The following ZPBP variants were observed in gnomAD, a reference collection of about 807,000 sequenced individuals.
ZPBP encodes the protein zona pellucida binding protein.
ZPBP carries 26 observed loss-of-function variants against 44.8 expected under a neutral mutation model. That is an observed-to-expected ratio of 0.58 (90% CI 0.43 to 0.81). ZPBP has a LOEUF of 0.81. ZPBP is among the 30% of genes least tolerant of loss of function. The probability of loss-of-function intolerance (pLI) is 0.00; values close to 1 mark genes in which losing one functional copy is unlikely to be tolerated. For missense variants in ZPBP, 409 were observed against 434.0 expected (o/e 0.94, Z 0.51); for synonymous variants, 174 against 153.2 (o/e 1.14, Z -1.00).
chr7:49,978,021 C>G (rs2075274664), intron 7 of ZPBP, among the ~76,000 whole-genome samples: 1 of 150,884 alleles, frequency 6.6e-6, no homozygotes, highest in South Asian at 2.1e-4. Flanking sequence ...AGGAAGGGAT[C>G]TGGGGTATTA....
the ZPBP span, among the ~76,000 whole-genome samples, chr7:49,844,602 G>C: frequency 6.6e-6 from 1 of 152,236 alleles, no homozygotes; most frequent in African/African-American, 2.4e-5. Flanking sequence ...AAGATTGTGA[G>C]AGCCCTGGTC....
intron 1 of ZPBP, chr7:49,916,422 C>T (rs1413922189): frequency 6.6e-6 from 1 of 152,172 alleles, no homozygotes; most frequent in Non-Finnish European, 1.5e-5. Flanking sequence ...TTTCAATGTC[C>T]AGTTCAAGTG....
chr7:50,068,121 C>CT (rs1412598726), intron 3 of ZPBP, among the ~76,000 whole-genome samples: 1 of 152,098 alleles, frequency 6.6e-6, no homozygotes. Context: ...GGAGAGACTC[C>CT]TTTTTTTCTC....
intron 7 of ZPBP, among the ~76,000 whole-genome samples, chr7:49,982,236 T>G (rs1319411763): frequency 9.2e-6 from 1 of 108,202 alleles, no homozygotes; most frequent in Non-Finnish European, 1.7e-5. Context: ...TAATATATAA[T>G]ATAATTATAT....
chr7:49,996,103 A>T (rs1357521063), intron 6 of ZPBP, among the ~76,000 whole-genome samples: 4 of 152,188 alleles, frequency 2.6e-5, no homozygotes, highest in Non-Finnish European at 5.9e-5. Flanking sequence ...TATACATTTA[A>T]CAATATATTA....
At chr7:50,046,070 G>A (rs1307700811) in intron 4 of ZPBP, among the ~76,000 whole-genome samples, 2 of 152,158 alleles carry the variant, frequency 1.3e-5, no homozygotes, top group Admixed American at 6.5e-5. Flanking sequence ...TTAATAAATG[G>A]TGTTGGGAAA....
intron 2 of ZPBP, among the ~76,000 whole-genome samples, chr7:49,857,238 C>T (rs867196627): frequency 3.3e-5 from 5 of 152,088 alleles, no homozygotes; most frequent in African/African-American, 4.8e-5. Flanking sequence ...TCTGGTTCTA[C>T]GAGTTTAGCT....
At chr7:49,841,125 G>A in the ZPBP span, among the ~76,000 whole-genome samples, 1 of 152,140 alleles carries the variant, frequency 6.6e-6, no homozygotes, top group East Asian at 1.9e-4. Context: ...GCATACAAGC[G>A]AAGCTGTCTG....
At chr7:49,850,214 A>G (rs1049796835), downstream of ZPBP, among the ~76,000 whole-genome samples, 1 of 152,192 alleles carries the variant, frequency 6.6e-6, no homozygotes, top group African/African-American at 2.4e-5. Flanking sequence ...TCTGTCATCA[A>G]TGAAGGTTTG....
intron 2 of ZPBP, among the ~76,000 whole-genome samples, chr7:49,875,022 G>A (rs1399852163): frequency 1.3e-5 from 2 of 151,852 alleles, no homozygotes; most frequent in East Asian, 3.9e-4. Flanking sequence ...AGAAAGAACT[G>A]GAAACAGTTT....
At chr7:50,029,712 G>T (rs889680449) in intron 5 of ZPBP, among the ~76,000 whole-genome samples, 37 of 152,148 alleles carry the variant, frequency 2.4e-4, no homozygotes, top group African/African-American at 8.7e-4. Flanking sequence ...ATGAGCACAG[G>T]AAAAGATGCT....
chr7:50,084,500 T>C (rs752508798), intron 2 of ZPBP, among the ~76,000 whole-genome samples: 2 of 151,762 alleles, frequency 1.3e-5, no homozygotes, highest in East Asian at 1.9e-4. Context: ...GAAAAGAATA[T>C]GTAAAAGGCG....
chr7:49,951,340 A>G (rs958873038), intron 7 of ZPBP, among the ~76,000 whole-genome samples: 6 of 151,766 alleles, frequency 4.0e-5, no homozygotes, highest in Non-Finnish European at 5.9e-5. Context: ...TAGACTATCT[A>G]AAGAGCCCTT....
At chr7:49,844,027 G>T in the ZPBP span, among the ~76,000 whole-genome samples, 2 of 152,208 alleles carry the variant, frequency 1.3e-5, no homozygotes, top group Non-Finnish European at 2.9e-5. Context: ...CATGGAATTG[G>T]CTGGGTGATG....
intron 1 of ZPBP, among the ~76,000 whole-genome samples, chr7:50,091,743 A>T (rs1395090277): frequency 6.6e-6 from 1 of 152,224 alleles, no homozygotes; most frequent in East Asian, 1.9e-4. Context: ...GATAGTCTTC[A>T]TTGTTAAATG....
chr7:49,935,241 A>G (rs1318799656), downstream of ZPBP, among the ~76,000 whole-genome samples: 2 of 152,218 alleles, frequency 1.3e-5, no homozygotes, highest in East Asian at 3.8e-4. Flanking sequence ...GGAGTATCCT[A>G]GTATAATTGA....
intron 7 of ZPBP, among the ~76,000 whole-genome samples, chr7:49,957,272 G>C (rs1417125511): frequency 6.6e-6 from 1 of 152,228 alleles, no homozygotes; most frequent in African/African-American, 2.4e-5. Context: ...GCAGCACAGA[G>C]TGGACTAAGA....
intron 3 of ZPBP, among the ~76,000 whole-genome samples, chr7:50,062,075 T>G (rs1801269429): frequency 6.6e-6 from 1 of 152,116 alleles, no homozygotes; most frequent in East Asian, 1.9e-4. Flanking sequence ...CCATTCACAA[T>G]GGCCACAAAA....
chr7:50,005,373 G>A (rs1798261703), intron 6 of ZPBP, among the ~76,000 whole-genome samples: 1 of 151,974 alleles, frequency 6.6e-6, no homozygotes, highest in South Asian at 2.1e-4. Context: ...CTGCATTGTT[G>A]TAATTTTGGT....
Sources: allele counts gnomAD v4.1 joint callset (sites outside exome capture counted in the v4.1 genomes callset), GRCh38; gene constraint gnomAD v4.1.1; transcripts MANE v1.5; gene names NCBI Gene and HGNC (gene_info 2026-07-23, HGNC 2026-07-21).